DIP2C: variants seen among roughly 807,000 people sequenced by gnomAD.
DIP2C encodes the protein disco-interacting protein 2 homolog C.
In DIP2C, 33 loss-of-function variants were observed where a neutral mutation model predicts 192.4. That is an observed-to-expected ratio of 0.17 (90% CI 0.13 to 0.23). The LOEUF (loss-of-function observed/expected upper bound fraction) is 0.23. DIP2C is among the 10% of genes least tolerant of loss of function. DIP2C has a pLI of 1.00. For synonymous variants in DIP2C, 979 were observed against 864.1 expected, an observed-to-expected ratio of 1.13 and a Z score of -2.33; for missense variants, 1,537 against 2,110.1, an observed-to-expected ratio of 0.73 and a Z score of 5.32.
intron 3 of DIP2C, among the ~76,000 whole-genome samples, chr10:469,484 T>G (rs1970465838): frequency 6.6e-6 from 1 of 151,962 alleles, no homozygotes; most frequent in South Asian, 2.1e-4. Flanking sequence ...GCCTGGCTAA[T>G]TTTTGTATTT....
intron 31 of DIP2C, among the ~76,000 whole-genome samples, chr10:313,995 A>C (rs1956668790): frequency 6.6e-6 from 1 of 152,252 alleles, no homozygotes; most frequent in Non-Finnish European, 1.5e-5. Context: ...AGAACGAACA[A>C]ACTCCAAAGA....
At chr10:491,930 G>A (rs1159097264) in intron 1 of DIP2C, among the ~76,000 whole-genome samples, 2 of 152,126 alleles carry the variant, frequency 1.3e-5, no homozygotes, top group African/African-American at 2.4e-5. Context: ...GGGCTAGGAA[G>A]AAGCTCAGAA....
chr10:282,685 C>T (rs1954895937), intron 35 of DIP2C, among the ~76,000 whole-genome samples: 2 of 152,248 alleles, frequency 1.3e-5, no homozygotes, highest in Admixed American at 1.3e-4. Context: ...ACCCTGCTCT[C>T]CTCTGATGGG....
chr10:637,679 C>T (rs1043871143), intron 1 of DIP2C, among the ~76,000 whole-genome samples: 1 of 152,206 alleles, frequency 6.6e-6, no homozygotes, highest in African/African-American at 2.4e-5. Context: ...ACAAACATTA[C>T]AAAAGCCCAT....
chr10:324,354 A>AT (rs1957169143), intron 31 of DIP2C, among the ~76,000 whole-genome samples: 1 of 152,200 alleles, frequency 6.6e-6, no homozygotes, highest in African/African-American at 2.4e-5. Flanking sequence ...GGCATCATGC[A>AT]TGGCATCTGT....
At chr10:583,126 TGCATGA>T (rs760331223) in intron 1 of DIP2C, among the ~76,000 whole-genome samples, 4 of 152,168 alleles carry the variant, frequency 2.6e-5, no homozygotes, top group African/African-American at 4.8e-5. Context: ...CACAGAGAAA[TGCATGA>T]GCATATCTCC....
chr10:360,119 C>T (rs951998156), intron 22 of DIP2C, among the ~76,000 whole-genome samples: 1 of 152,174 alleles, frequency 6.6e-6, no homozygotes, highest in Non-Finnish European at 1.5e-5. Flanking sequence ...TGCCCGTTTG[C>T]TACATGAAGA....
intron 10 of DIP2C, among the ~76,000 whole-genome samples, chr10:396,277 C>T (rs1176817425): frequency 6.6e-6 from 1 of 152,170 alleles, no homozygotes; most frequent in Non-Finnish European, 1.5e-5. Context: ...GGAGCTATGC[C>T]TAGGATTTGA....
At chr10:379,426 T>C (rs1962115714) in intron 17 of DIP2C, among the ~76,000 whole-genome samples, 1 of 152,078 alleles carries the variant, frequency 6.6e-6, no homozygotes, top group Non-Finnish European at 1.5e-5. Flanking sequence ...GCAAGAGTGA[T>C]ATGAAGATAC....
rs149566530 is a variant in DIP2C, at chr10:351,813, C to T, written c.2986-2359G>A. Among the ~76,000 whole-genome samples, 708 of 152,212 alleles carry T rather than the reference C, an allele frequency of 4.7e-3. 5 individuals are homozygous for T. The highest frequency in any genetic ancestry group is 7.4e-3 in the Non-Finnish European group (505 of 68,014). On this transcript the variant is annotated intron_variant, in intron 24 of 36. Transcript: ENST00000280886. Reference sequence around the variant, plus strand: ...CACCTGTTCACAGCAACCAGCCCACCGGCTCCTTGCCGCCAACGTCCTCTG... The same window carrying T: ...CACCTGTTCACAGCAACCAGCCCACTGGCTCCTTGCCGCCAACGTCCTCTG...
rs1954424860 is a variant in DIP2C at position 274,698 on chromosome 10, A to G, written c.*2627T>C. On this transcript the variant is annotated 3_prime_UTR_variant, in exon 37 of 37. Transcript: ENST00000280886. ...AAAAGGGACCATCTCCCTTGGGTAA[A>G]GTGTCAAGCAGGATTAAATATATAT... 6.6e-6 allele frequency: 1 copy of G among 152,182 alleles called. No homozygotes were observed. The highest frequency in any genetic ancestry group is 1.5e-5 in the Non-Finnish European group (1 of 68,030). The allele number at this position is 152,182 out of a possible 1,614,324, so 9.4% of individuals were successfully genotyped here.
intron 1 of DIP2C, among the ~76,000 whole-genome samples, chr10:627,797 G>A (rs367981600): frequency 1.9e-4 from 29 of 152,224 alleles, no homozygotes; most frequent in African/African-American, 6.5e-4. Flanking sequence ...CCACGTGGAC[G>A]CTTACAGGAC....
intron 3 of DIP2C, among the ~76,000 whole-genome samples, chr10:442,497 C>T (rs1044875382): frequency 6.6e-6 from 1 of 152,148 alleles, no homozygotes; most frequent in Non-Finnish European, 1.5e-5. Flanking sequence ...CCACTCACTT[C>T]CCACAAATCA....
intron 17 of DIP2C, among the ~76,000 whole-genome samples, chr10:378,815 G>A (rs200117657): frequency 2.3e-5 from 1 of 42,626 alleles, no homozygotes; most frequent in Non-Finnish European, 4.3e-5. Context: ...AGACACAAAT[G>A]AACAGACATG....
intron 17 of DIP2C, among the ~76,000 whole-genome samples, chr10:381,773 C>T (rs1182180483): frequency 2.0e-5 from 3 of 152,244 alleles, no homozygotes; most frequent in Admixed American, 6.5e-5. Flanking sequence ...ACTCACTCTA[C>T]ACTCCAGAGC....
At chr10:484,922 A>C in intron 2 of DIP2C, 1 of 1,611,322 alleles carries the variant, frequency 6.2e-7, no homozygotes, top group Non-Finnish European at 8.5e-7. Context: ...TGCAGTCTAC[A>C]CCGAACCACG....
chr10:474,799 T>C (rs1046223911), intron 2 of DIP2C, among the ~76,000 whole-genome samples: 8 of 152,232 alleles, frequency 5.3e-5, no homozygotes, highest in African/African-American at 1.9e-4. Flanking sequence ...TTTCCATTAT[T>C]GGTGAGAAGT....
In DIP2C at chr10:483,388, C is replaced by T. The variant is rs555899940; in HGVS notation, c.157+3071G>A. ...GCAGCCTCGGCTTTGGAAACGTCTGCGTTCCTTGCTGCTTCCCAGGACAGC... is the reference window on the plus strand; with the variant it reads ...GCAGCCTCGGCTTTGGAAACGTCTGTGTTCCTTGCTGCTTCCCAGGACAGC... On this transcript the variant is annotated intron_variant, in intron 2 of 36. Transcript: ENST00000280886. 5.2e-4 allele frequency among the ~76,000 whole-genome samples: 79 copies of T among 152,352 alleles called. 1 individual carries two copies. Among genetic ancestry groups the T allele is most frequent in the African/African-American group, 1.4e-4 (6 of 41,582 alleles).
At position 413,845 on chromosome 10, in the gene DIP2C, GT is replaced by G. The variant is rs1307248789; in HGVS notation, c.1057+67del. ...AAGTGAGGATGTAAACGGACACTGA[GT>G]TTCCTGCGTTCGGGAGTGGCTGTGC... is the stretch of plus-strand genomic sequence containing the variant. On this transcript the variant is annotated intron_variant, in intron 8 of 36. Coordinates refer to ENST00000280886, the MANE Select transcript of DIP2C (RefSeq NM_014974.3). 4 of 1,559,766 alleles carry G rather than the reference GT, an allele frequency of 2.6e-6. No individual in the cohort carries two copies. The African/African-American group carries it at 5.4e-5, about 21-fold the overall frequency.
Sources: gnomAD v4.1 joint callset for allele counts (sites outside exome capture counted in the v4.1 genomes callset) on GRCh38, gnomAD v4.1.1 for gene constraint, MANE v1.5 for transcripts, NCBI Gene and HGNC (gene_info 2026-07-23, HGNC 2026-07-21) for gene names.